The following LPAR6 variants were observed in gnomAD, a reference collection of about 807,000 sequenced individuals.
LPAR6 encodes G-protein coupled purinergic receptor P2Y5.
Under a neutral mutation model 22.0 loss-of-function variants are expected in LPAR6, and 17 were observed. That is an observed-to-expected ratio of 0.77 (90% confidence interval 0.53 to 1.16). The LOEUF (loss-of-function observed/expected upper bound fraction) is 1.16. Ranked by LOEUF, LPAR6 falls within the 50% of genes most tolerant of loss-of-function variation. The pLI is 0.00. For synonymous variants in LPAR6, 136 were observed against 139.8 expected (o/e 0.97, Z 0.19); for missense variants, 384 against 406.9 (o/e 0.94, Z 0.48).
chr13:48,433,002 C>T (rs1199597864), intron 1 of LPAR6, among the ~76,000 whole-genome samples: 1 of 152,022 alleles, frequency 6.6e-6, no homozygotes, highest in African/African-American at 2.4e-5. Context: ...ACTGCTCTTT[C>T]TTTTTATGTG....
chr13:48,443,060 G>C (rs1004199904), intron 1 of LPAR6, among the ~76,000 whole-genome samples: 2 of 151,804 alleles, frequency 1.3e-5, no homozygotes, highest in African/African-American at 4.8e-5. Context: ...AAATCCATTT[G>C]AAACACATTT....
chr13:48,392,791 T>C (rs923448351), intron 1 of LPAR6, among the ~76,000 whole-genome samples: 2 of 152,204 alleles, frequency 1.3e-5, no homozygotes, highest in Non-Finnish European at 2.9e-5. Context: ...CGTATGTTTC[T>C]GCTTTTTTGA....
intron 1 of LPAR6, among the ~76,000 whole-genome samples, chr13:48,402,958 C>T (rs906909637): frequency 3.3e-5 from 5 of 151,770 alleles, no homozygotes; most frequent in African/African-American, 7.3e-5. Context: ...TGCTTCTGTT[C>T]GTAAAGTACT....
rs1593485155 is a variant in LPAR6, at chr13:48,412,699, A to G, written c.-276T>C. ...CCAAGGCTCAGTTAACTGACGAGCA[A>G]CCTTTAAAAAATACAGTCAACGAGT... On this transcript the variant is annotated 5_prime_UTR_variant, in exon 1 of 1. Coordinates refer to ENST00000620633, the MANE Select transcript of LPAR6 (RefSeq NM_001162498.3). 1 of 484,860 alleles carries G rather than the reference A, an allele frequency of 2.1e-6. No homozygotes were observed. The highest frequency in any genetic ancestry group is 4.1e-5 in the East Asian group (1 of 24,236). 30.0% of individuals were successfully genotyped at this position (484,860 alleles called of 1,614,324 possible). A position where few individuals can be genotyped will look rare whatever the true frequency, so the allele number is the denominator to read the frequency against.
chr13:48,444,244 C>T (rs565146916), intron 1 of LPAR6, among the ~76,000 whole-genome samples: 15 of 152,190 alleles, frequency 9.9e-5, no homozygotes, highest in East Asian at 3.9e-4. Flanking sequence ...ATACTGGGCA[C>T]GGTGGCTCAA....
chr13:48,405,654 C>T (rs1370656791), intron 1 of LPAR6, among the ~76,000 whole-genome samples: 1 of 152,166 alleles, frequency 6.6e-6, no homozygotes. Context: ...TATTTACTAT[C>T]TACTCCTTGA....
chr13:48,418,257 C>G (rs933456777), intron 2 of LPAR6, among the ~76,000 whole-genome samples: 1 of 151,386 alleles, frequency 6.6e-6, no homozygotes, highest in African/African-American at 2.4e-5. Context: ...ATTTTCAACC[C>G]AGAATTTTGT....
chr13:48,415,903 CTT>C (rs1270002095), upstream of LPAR6: 2 of 152,110 alleles, frequency 1.3e-5, no homozygotes, highest in Admixed American at 1.3e-4. Context: ...AATTTAGAAA[CTT>C]TGAAAAATTC....
chr13:48,396,317 G>C (rs1948647966), intron 1 of LPAR6, among the ~76,000 whole-genome samples: 1 of 152,102 alleles, frequency 6.6e-6, no homozygotes, highest in African/African-American at 2.4e-5. Flanking sequence ...CAACGGAACA[G>C]AACAGAGACC....
chr13:48,397,690 A>G lies in LPAR6; in HGVS notation n.115-7878T>C, dbSNP rs375565128. Among the ~76,000 whole-genome samples, 12 of 152,136 alleles carry G rather than the reference A, an allele frequency of 7.9e-5. No homozygotes were observed. The East Asian group carries it at 1.2e-3, about 15-fold the overall frequency. On this transcript the variant is annotated intron_variant and non_coding_transcript_variant, in intron 1 of 1. Transcript: ENST00000462781. ...ATATATCTTTCAAATTATCTTTTCAAATTTAAATCGAGGGTCATTTTATGT... is the reference window on the plus strand; with the variant it reads ...ATATATCTTTCAAATTATCTTTTCAGATTTAAATCGAGGGTCATTTTATGT...
intron 1 of LPAR6, chr13:48,422,814 G>T (rs970600151): frequency 2.6e-5 from 4 of 151,810 alleles, no homozygotes; most frequent in African/African-American, 9.7e-5. Context: ...AAAAAGGAAA[G>T]AATATAGCCT....
chr13:48,404,716 G>A (rs1311298201), intron 1 of LPAR6, among the ~76,000 whole-genome samples: 1 of 151,890 alleles, frequency 6.6e-6, no homozygotes, highest in African/African-American at 2.4e-5. Context: ...TAGTAGAGAC[G>A]GGTTTTCACC....
At chr13:48,405,383 A>G (rs1948730817) in intron 1 of LPAR6, among the ~76,000 whole-genome samples, 1 of 152,178 alleles carries the variant, frequency 6.6e-6, no homozygotes, top group African/African-American at 2.4e-5. Flanking sequence ...CTTTTGAAGA[A>G]TTTTAAGATT....
chr13:48,397,014 T>C (rs1593466242), intron 1 of LPAR6, among the ~76,000 whole-genome samples: 1 of 152,158 alleles, frequency 6.6e-6, no homozygotes, highest in Admixed American at 6.5e-5. Context: ...GGAGAGGCTG[T>C]GGAGTAATAG....
chr13:48,405,851 G>A (rs1272051961), intron 1 of LPAR6, among the ~76,000 whole-genome samples: 9 of 151,898 alleles, frequency 5.9e-5, no homozygotes, highest in Admixed American at 5.9e-4. Context: ...AGGTATGCAC[G>A]TTTTATTTTG....
upstream of LPAR6, among the ~76,000 whole-genome samples, chr13:48,430,632 C>T (rs559339850): frequency 3.9e-3 from 597 of 152,122 alleles, 6 homozygotes; most frequent in African/African-American, 0.012. Context: ...CCCAGATACT[C>T]GGAAGGCTGA....
At chr13:48,434,370 A>G (rs1335095868) in intron 1 of LPAR6, among the ~76,000 whole-genome samples, 2 of 152,168 alleles carry the variant, frequency 1.3e-5, no homozygotes, top group Admixed American at 6.5e-5. Flanking sequence ...AAAAATTTTA[A>G]CAGATAGATT....
At chr13:48,392,303 G>GT (rs1356688420) in intron 1 of LPAR6, among the ~76,000 whole-genome samples, 1 of 151,952 alleles carries the variant, frequency 6.6e-6, no homozygotes, top group Non-Finnish European at 1.5e-5. Flanking sequence ...TAAAGATGGG[G>GT]TTTCACCATG....
downstream of LPAR6, among the ~76,000 whole-genome samples, chr13:48,409,008 T>C (rs1948764566): frequency 6.6e-6 from 1 of 152,070 alleles, no homozygotes; most frequent in South Asian, 2.1e-4. Flanking sequence ...GAGTGTATTT[T>C]TATTTACTGA....
Sources: gnomAD v4.1 joint callset for allele counts (sites outside exome capture counted in the v4.1 genomes callset) on GRCh38, gnomAD v4.1.1 for gene constraint, MANE v1.5 for transcripts, NCBI Gene and HGNC (gene_info 2026-07-23, HGNC 2026-07-21) for gene names.